DENND2B: variants seen among roughly 807,000 people sequenced by gnomAD.
The protein encoded by DENND2B is DENN domain containing 2B, also known as DENN domain-containing protein 2B.
In DENND2B, 32 loss-of-function variants were observed where a neutral mutation model predicts 116.0. The ratio of observed to expected loss-of-function variants is 0.28; its 90% CI spans 0.21 to 0.37. The LOEUF (loss-of-function observed/expected upper bound fraction) is 0.37. DENND2B is among the 10% of genes least tolerant of loss of function. DENND2B has a pLI of 1.00. For missense variants in DENND2B, 1,276 were observed against 1,477.7 expected, an observed-to-expected ratio of 0.86 and a Z score of 2.24; for synonymous variants, 588 against 583.9, an observed-to-expected ratio of 1.01 and a Z score of -0.10.
At chr11:8,820,864 G>A (rs1307298343) in intron 4 of DENND2B, among the ~76,000 whole-genome samples, 1 of 152,182 alleles carries the variant, frequency 6.6e-6, no homozygotes, top group Non-Finnish European at 1.5e-5. Flanking sequence ...GCTCACATCT[G>A]TAATCCCAGC....
chr11:8,810,967 A>T (rs954349988), upstream of DENND2B: 1 of 244,014 alleles, frequency 4.1e-6, no homozygotes, highest in African/African-American at 2.2e-5. Context: ...ACTTGCTTGA[A>T]CAGCTCAGAG....
Position 8,707,412 on chromosome 11 carries a change from G to T in DENND2B, c.2431-187C>A. On this transcript the variant is annotated intron_variant, in intron 12 of 19. Transcript: ENST00000313726. The surrounding 1 kb of genome is among the most constrained non-coding windows in gnomAD (Gnocchi z 4.8). The stretch of plus-strand genomic sequence containing the variant: ...TTCCTTGGCACTCAGTGACTCCTCT[G>T]TTCCCTAACTGGCCTTGCTTCAGTC... The T allele has an allele frequency of 2.6e-6, 2 of 782,660 alleles. No individual in the cohort carries two copies. The highest frequency in any genetic ancestry group is 2.0e-6 in the Non-Finnish European group (1 of 508,754). 48.5% of individuals were successfully genotyped at this position (782,660 alleles called of 1,614,324 possible).
intron 2 of DENND2B, among the ~76,000 whole-genome samples, chr11:8,865,445 C>G (rs2063542151): frequency 6.6e-6 from 1 of 151,974 alleles, no homozygotes; most frequent in Non-Finnish European, 1.5e-5. Flanking sequence ...CACAAAGCAA[C>G]AAGTATAATC....
intron 2 of DENND2B, among the ~76,000 whole-genome samples, chr11:8,743,727 C>T (rs1301217916): frequency 2.0e-5 from 3 of 151,620 alleles, no homozygotes; most frequent in East Asian, 1.9e-4. Flanking sequence ...AAATCCAAAT[C>T]GAAGTGGAGA....
rs558274339 is a variant in DENND2B, at chr11:8,802,200, C to T, written c.-26+8317G>A. Among the ~76,000 whole-genome samples, 6 of 151,304 alleles carry T rather than the reference C, an allele frequency of 4.0e-5. No individual in the cohort carries two copies. The East Asian group carries it at 1.2e-3, about 30-fold the overall frequency. On this transcript the variant is annotated intron_variant, in intron 1 of 19. Coordinates refer to ENST00000313726, the MANE Select transcript of DENND2B (RefSeq NM_213618.2). ...CCTGTAGTCCCAGCTACTTGGAAGGCTGAGGCAGGAGAATCACTTGAACCC... is the reference window on the plus strand; with the variant it reads ...CCTGTAGTCCCAGCTACTTGGAAGGTTGAGGCAGGAGAATCACTTGAACCC...
intron 2 of DENND2B, among the ~76,000 whole-genome samples, chr11:8,743,905 C>T (rs1331657342): frequency 6.6e-6 from 1 of 151,806 alleles, no homozygotes; most frequent in South Asian, 2.1e-4. Flanking sequence ...CACTACCATG[C>T]CTGATTAATT....
intron 1 of DENND2B, among the ~76,000 whole-genome samples, chr11:8,780,632 G>A (rs958401582): frequency 5.9e-5 from 9 of 152,162 alleles, no homozygotes; most frequent in South Asian, 4.1e-4. Context: ...GAGACATGTC[G>A]GCTCTTAGAG....
intron 1 of DENND2B, among the ~76,000 whole-genome samples, chr11:8,889,393 G>C (rs2063999004): frequency 6.6e-6 from 1 of 152,126 alleles, no homozygotes; most frequent in Non-Finnish European, 1.5e-5. Flanking sequence ...TCAGACAGTG[G>C]GTGCAGTACA....
chr11:8,844,579 G>A (rs959197539), intron 3 of DENND2B, among the ~76,000 whole-genome samples: 3 of 82,470 alleles, frequency 3.6e-5, no homozygotes, highest in Non-Finnish European at 8.0e-5. Flanking sequence ...CTTTTATTTC[G>A]TTTTCAGAAT....
chr11:8,853,990 A>G (rs1483723886), intron 3 of DENND2B, among the ~76,000 whole-genome samples: 1 of 142,476 alleles, frequency 7.0e-6, no homozygotes, highest in African/African-American at 2.6e-5. Context: ...CTGGGATTAC[A>G]GGTGAATGCC....
At chr11:8,765,797 G>A (rs2055627092) in intron 1 of DENND2B, among the ~76,000 whole-genome samples, 1 of 152,172 alleles carries the variant, frequency 6.6e-6, no homozygotes, top group South Asian at 2.1e-4. Context: ...TAGTACTTTG[G>A]GAGGCCAAGG....
chr11:8,807,570 T>C (rs530552999), intron 1 of DENND2B, among the ~76,000 whole-genome samples: 1 of 152,226 alleles, frequency 6.6e-6, no homozygotes, highest in South Asian at 2.1e-4. Context: ...GACTGATATC[T>C]AATTTGAGAG....
intron 1 of DENND2B, among the ~76,000 whole-genome samples, chr11:8,909,232 G>A (rs1361967548): frequency 6.6e-6 from 1 of 152,100 alleles, no homozygotes; most frequent in African/African-American, 2.4e-5. Context: ...CTGTCTCTAC[G>A]AAACATTTAA....
At chr11:8,752,628 T>G (rs1244002304) in intron 1 of DENND2B, among the ~76,000 whole-genome samples, 1 of 152,108 alleles carries the variant, frequency 6.6e-6, no homozygotes, top group Non-Finnish European at 1.5e-5. Flanking sequence ...CCCATTAAAA[T>G]AAAAGTAATA....
chr11:8,812,459 A>G (rs543509217), upstream of DENND2B, among the ~76,000 whole-genome samples: 1 of 152,256 alleles, frequency 6.6e-6, no homozygotes, highest in Admixed American at 6.5e-5. Context: ...GAAAGTTAGG[A>G]TTGGCATTAT....
chr11:8,864,825 C>A lies in DENND2B; in HGVS notation c.-250+6129G>T, dbSNP rs902273512. ...CTCTGATTAAAGGCACTTTTTACCC[C>A]ACTCTAGTTAGCCGCCTCCAAAAGG... On this transcript the variant is annotated intron_variant, in intron 2 of 6. Transcript: ENST00000524757. Among the ~76,000 whole-genome samples, 3 of 152,146 alleles carry A rather than the reference C, an allele frequency of 2.0e-5. No individual in the cohort carries two copies. The South Asian group carries it at 6.2e-4, about 32-fold the overall frequency.
chr11:8,736,340 GAC>G (rs2049025011), intron 2 of DENND2B, among the ~76,000 whole-genome samples: 1 of 151,120 alleles, frequency 6.6e-6, no homozygotes, highest in Admixed American at 6.6e-5. Context: ...AACAGAGTGA[GAC>G]CAGAGTGAGA....
At chr11:8,868,706 T>C (rs116999020) in intron 2 of DENND2B, among the ~76,000 whole-genome samples, 20 of 152,350 alleles carry the variant, frequency 1.3e-4, no homozygotes, top group South Asian at 1.2e-3. Context: ...GAGCAGATGC[T>C]ATTACTTTTC....
At chr11:8,892,146 G>A (rs1020024485) in intron 1 of DENND2B, among the ~76,000 whole-genome samples, 2 of 152,166 alleles carry the variant, frequency 1.3e-5, no homozygotes, top group African/African-American at 4.8e-5. Context: ...GGACTACTGG[G>A]TACATAATGA....
Sources: gnomAD v4.1 joint callset for allele counts (sites outside exome capture counted in the v4.1 genomes callset) on GRCh38, gnomAD v4.1.1 for gene constraint, Gnocchi (gnomAD v3.1) non-coding constraint, MANE v1.5 for transcripts, NCBI Gene and HGNC (gene_info 2026-07-23, HGNC 2026-07-21) for gene names.